UPP2: variants seen among roughly 807,000 people sequenced by gnomAD.
The protein encoded by UPP2 is uridine phosphorylase 2.
Under a neutral mutation model 26.7 loss-of-function variants are expected in UPP2, and 23 were observed. The ratio of observed to expected loss-of-function variants is 0.86; its 90% confidence interval spans 0.62 to 1.22. The LOEUF (loss-of-function observed/expected upper bound fraction) is 1.22. Among genes scored for constraint, UPP2 ranks in the 50% most tolerant of loss-of-function variants. The probability of loss-of-function intolerance (pLI) is 0.00; values close to 1 mark genes in which losing one functional copy is unlikely to be tolerated. For missense variants in UPP2, 387 were observed against 396.7 expected (o/e 0.98, Z 0.21); for synonymous variants, 127 against 141.3 (o/e 0.90, Z 0.72).
chr2:158,128,534 A>G (rs1344025566), intron 6 of UPP2, among the ~76,000 whole-genome samples: 2 of 152,236 alleles, frequency 1.3e-5, no homozygotes, highest in Non-Finnish European at 2.9e-5. Context: ...CACCTTTACA[A>G]GAGAAAAACT....
At chr2:158,077,470 G>A (rs1483547758) in intron 3 of UPP2, among the ~76,000 whole-genome samples, 2 of 152,036 alleles carry the variant, frequency 1.3e-5, no homozygotes, top group Non-Finnish European at 2.9e-5. Flanking sequence ...ACAGAATAAA[G>A]AACCCAGAAA....
chr2:158,087,247 C>A (rs372689996), intron 3 of UPP2, among the ~76,000 whole-genome samples: 2 of 152,224 alleles, frequency 1.3e-5, no homozygotes, highest in South Asian at 4.1e-4. Context: ...TAATGTCCCT[C>A]TTTGGCATTT....
At chr2:158,097,891 T>C (rs1683012465), upstream of UPP2, among the ~76,000 whole-genome samples, 1 of 152,212 alleles carries the variant, frequency 6.6e-6, no homozygotes, top group Non-Finnish European at 1.5e-5. Flanking sequence ...ACTAATCTCT[T>C]TTTTTCTTTT....
chr2:158,133,383 G>A (rs752306015), intron 6 of UPP2, among the ~76,000 whole-genome samples: 3 of 152,114 alleles, frequency 2.0e-5, no homozygotes, highest in Non-Finnish European at 2.9e-5. Context: ...GATGGGGAAC[G>A]GAGAGAAACT....
intron 3 of UPP2, among the ~76,000 whole-genome samples, chr2:158,068,147 G>A (rs1682467224): frequency 6.6e-6 from 1 of 152,154 alleles, no homozygotes. Flanking sequence ...CCATTCTGGT[G>A]AAGTGATAGA....
intron 3 of UPP2, among the ~76,000 whole-genome samples, chr2:158,080,535 A>C (rs541507068): frequency 4.6e-5 from 7 of 152,226 alleles, no homozygotes; most frequent in African/African-American, 1.4e-4. Flanking sequence ...TTATCCACAC[A>C]CTGATTATAC....
At chr2:158,092,939 A>G (rs1030442093) in intron 3 of UPP2, among the ~76,000 whole-genome samples, 5 of 151,030 alleles carry the variant, frequency 3.3e-5, no homozygotes, top group African/African-American at 1.2e-4. Flanking sequence ...TCATGTAATC[A>G]TTTTTTTTTC....
intron 2 of UPP2, among the ~76,000 whole-genome samples, chr2:158,007,536 G>C (rs1683510299): frequency 6.6e-6 from 1 of 152,056 alleles, no homozygotes; most frequent in African/African-American, 2.4e-5. Flanking sequence ...GCTCTCTGCT[G>C]CCCTGCCTGG....
At chr2:158,046,060 AT>A (rs1277139799) in intron 3 of UPP2, among the ~76,000 whole-genome samples, 2 of 152,198 alleles carry the variant, frequency 1.3e-5, no homozygotes, top group African/African-American at 2.4e-5. Context: ...AAGAAATAAG[AT>A]TCTAAAAAAT....
Position 158,067,231 on chromosome 2 carries a change from G to A in UPP2, c.148-34809G>A, listed in dbSNP as rs140575808. On this transcript the variant is annotated intron_variant, in intron 3 of 9. Transcript: ENST00000605860. ...AAAATGGTGATGTGTATTAAGGTTA[G>A]TTCAACCATATATTTATACTGTCTG... Among the ~76,000 whole-genome samples the A allele has an allele frequency of 7.7e-3, 1,179 of 152,162 alleles. 17 individuals are homozygous for A. Among genetic ancestry groups the A allele is most frequent in the Non-Finnish European group, 0.014 (938 of 67,988 alleles).
chr2:158,126,561 T>C (rs73007737), intron 6 of UPP2: 17,240 of 152,258 alleles, frequency 0.11, 1,478 homozygotes, highest in African/African-American at 0.24. Context: ...GAAAACCCCA[T>C]GGATAGGGTG....
chr2:158,056,518 G>A (rs562207977), intron 3 of UPP2, among the ~76,000 whole-genome samples: 103 of 152,308 alleles, frequency 6.8e-4, no homozygotes, highest in African/African-American at 2.4e-3. Context: ...GAGGCTAGAA[G>A]CCTAAAACCA....
At chr2:158,006,325 C>T (rs939878851) in intron 2 of UPP2, among the ~76,000 whole-genome samples, 4 of 151,966 alleles carry the variant, frequency 2.6e-5, no homozygotes, top group Non-Finnish European at 5.9e-5. Flanking sequence ...AAAAATTAGC[C>T]GGGCGTGGTG....
chr2:158,115,384 G>C (rs1417501693), intron 3 of UPP2, 125 bp downstream of exon 3: 3 of 1,205,370 alleles, frequency 2.5e-6, no homozygotes, highest in East Asian at 5.3e-5. Context: ...AAGGTGTCCA[G>C]GTATGAGTTC....
chr2:158,001,957 CAAAA>C (rs200818827), intron 2 of UPP2, among the ~76,000 whole-genome samples: 9 of 65,498 alleles, frequency 1.4e-4, no homozygotes, highest in East Asian at 4.7e-4. Context: ...GAATGAGCAC[CAAAA>C]AAAAAAAAAA....
chr2:158,080,470 T>C (rs1682705322), intron 3 of UPP2, among the ~76,000 whole-genome samples: 1 of 152,204 alleles, frequency 6.6e-6, no homozygotes, highest in Non-Finnish European at 1.5e-5. Context: ...TGTACTGTTT[T>C]TCTTGCTTCC....
At chr2:158,058,753 C>A (rs1490398716) in intron 3 of UPP2, among the ~76,000 whole-genome samples, 1 of 147,916 alleles carries the variant, frequency 6.8e-6, no homozygotes, top group Non-Finnish European at 1.5e-5. Context: ...CTAAAATCAG[C>A]CATTTGTTTT....
chr2:158,105,514 T>C (rs1683173537), intron 1 of UPP2, among the ~76,000 whole-genome samples: 1 of 152,158 alleles, frequency 6.6e-6, no homozygotes, highest in Non-Finnish European at 1.5e-5. Flanking sequence ...CATCAGCAAC[T>C]CACTGAATCA....
chr2:158,130,368 G>A (rs927971802), intron 6 of UPP2, among the ~76,000 whole-genome samples: 4 of 150,820 alleles, frequency 2.7e-5, no homozygotes, highest in Admixed American at 6.6e-5. Flanking sequence ...GGAGAATGGC[G>A]TGAACCCAGG....
Sources: gnomAD v4.1 joint callset for allele counts (sites outside exome capture counted in the v4.1 genomes callset) on GRCh38, gnomAD v4.1.1 for gene constraint, MANE v1.5 for transcripts, NCBI Gene and HGNC (gene_info 2026-07-23, HGNC 2026-07-21) for gene names.